PTPRJ: variants seen among roughly 807,000 people sequenced by gnomAD.
PTPRJ encodes protein tyrosine phosphatase receptor type J.
PTPRJ carries 129 observed loss-of-function variants against 141.3 expected under a neutral mutation model. The ratio of observed to expected loss-of-function variants is 0.91; its 90% CI spans 0.79 to 1.06. The LOEUF (loss-of-function observed/expected upper bound fraction) is 1.06, where lower values mean the gene tolerates loss of function less well. Ranked by LOEUF, PTPRJ falls within the 50% of genes least tolerant of loss-of-function variation. The pLI is 0.00. For missense variants in PTPRJ, 1,601 were observed against 1,679.7 expected (o/e 0.95, Z 0.82); for synonymous variants, 610 against 640.5 (o/e 0.95, Z 0.72).
Position 48,164,370 on chromosome 11 carries a change from T to G in PTPRJ, c.3720-10T>G. ...CCCACTGTAATAGGCTTATTTCTCT[T>G]TTCTCTCAGTGCTGGGGTCGGAAGG... On this transcript the variant is annotated splice_polypyrimidine_tract_variant and intron_variant, in intron 23 of 24. Coordinates refer to ENST00000418331, the MANE Select transcript of PTPRJ (RefSeq NM_002843.4). 1 of 1,612,970 alleles carries G rather than the reference T, an allele frequency of 6.2e-7. No homozygotes were observed. The highest frequency in any genetic ancestry group is 8.5e-7 in the Non-Finnish European group (1 of 1,179,606).
chr11:48,039,425 A>G (rs1463896638), intron 1 of PTPRJ, among the ~76,000 whole-genome samples: 2 of 151,702 alleles, frequency 1.3e-5, no homozygotes, highest in Non-Finnish European at 2.9e-5. Context: ...CTTGTTCTGC[A>G]GTCCATATAC....
chr11:48,164,871 C>T (rs1318370681), intron 24 of PTPRJ, among the ~76,000 whole-genome samples: 1 of 152,094 alleles, frequency 6.6e-6, no homozygotes, highest in African/African-American at 2.4e-5. Context: ...TGGCCCTTCC[C>T]CTCCATTTTT....
At chr11:48,081,546 C>A (rs1044308068) in intron 1 of PTPRJ, among the ~76,000 whole-genome samples, 1 of 152,122 alleles carries the variant, frequency 6.6e-6, no homozygotes, top group African/African-American at 2.4e-5. Flanking sequence ...ATAGTCACTT[C>A]CCCGGCTGGC....
Position 48,015,181 on chromosome 11 carries a change from C to T in PTPRJ, c.96+34173C>T, listed in dbSNP as rs190427844. On this transcript the variant is annotated intron_variant, in intron 1 of 24. Coordinates refer to ENST00000418331, the MANE Select transcript of PTPRJ (RefSeq NM_002843.4). ...GCGGTGGGGATGCTGCAGGCCTTAG[C>T]TGCTGTATCACTGTGTCCGTTTATG... Among the ~76,000 whole-genome samples, 5 of 152,086 alleles carry T rather than the reference C, an allele frequency of 3.3e-5. No individual in the cohort carries two copies. The East Asian group carries it at 9.7e-4, about 29-fold the overall frequency.
chr11:48,087,431 A>G (rs990385091), intron 1 of PTPRJ, among the ~76,000 whole-genome samples: 1 of 152,224 alleles, frequency 6.6e-6, no homozygotes, highest in Non-Finnish European at 1.5e-5. Context: ...TTTATTTAGC[A>G]TAGTACAAAG....
At chr11:48,129,655 C>A (rs1856923789) in intron 7 of PTPRJ, among the ~76,000 whole-genome samples, 1 of 152,086 alleles carries the variant, frequency 6.6e-6, no homozygotes, top group African/African-American at 2.4e-5. Context: ...GAACTGACCC[C>A]CTGGAGAGTC....
intron 21 of PTPRJ, among the ~76,000 whole-genome samples, chr11:48,156,984 C>A (rs1351467992): frequency 2.0e-5 from 3 of 151,746 alleles, no homozygotes; most frequent in African/African-American, 7.3e-5. Context: ...CTTCTGCTTC[C>A]ATCAAAGATA....
At position 48,167,525 on chromosome 11, in the gene PTPRJ, A is replaced by T. The variant is rs139911163; in HGVS notation, c.*163A>T. 987 of 780,992 alleles carry T rather than the reference A, an allele frequency of 1.3e-3. 7 individuals carry two copies. In the African/African-American group the frequency reaches 0.016, roughly 13 times the overall value. 48.4% of individuals were successfully genotyped at this position (780,992 alleles called of 1,614,324 possible). On this transcript the variant is annotated 3_prime_UTR_variant, in exon 25 of 25. Transcript: ENST00000418331. ...ATGAAGCTGCATATGATAGATGACA[A>T]ATTGGGGCTGTCGGGGGCTGTGGAT...
intron 1 of PTPRJ, among the ~76,000 whole-genome samples, chr11:47,993,080 G>A (rs747388603): frequency 4.6e-5 from 7 of 152,128 alleles, no homozygotes; most frequent in Non-Finnish European, 1.0e-4. Flanking sequence ...AACCATTCCT[G>A]CAGCAGGTAA....
At chr11:48,160,083 TAATTACC>T in intron 22 of PTPRJ, 34 bp downstream of exon 22, 1 of 1,606,842 alleles carries the variant, frequency 6.2e-7, no homozygotes, top group East Asian at 2.2e-5. Flanking sequence ...TGAGCTCATG[TAATTACC>T]ATATGTTAAT....
chr11:48,069,550 C>T (rs908314457), intron 1 of PTPRJ, among the ~76,000 whole-genome samples: 8 of 143,334 alleles, frequency 5.6e-5, no homozygotes, highest in African/African-American at 7.8e-5. Flanking sequence ...CCTGGGTTCA[C>T]GCCATTCTCC....
chr11:48,066,247 C>G (rs1376409651), intron 1 of PTPRJ, among the ~76,000 whole-genome samples: 1 of 152,230 alleles, frequency 6.6e-6, no homozygotes. Flanking sequence ...CCCACTCCTC[C>G]TCCAGTGCTC....
At chr11:48,086,390 T>C (rs561755214) in intron 1 of PTPRJ, among the ~76,000 whole-genome samples, 1 of 152,336 alleles carries the variant, frequency 6.6e-6, no homozygotes, top group South Asian at 2.1e-4. Context: ...CAGGCTGGTC[T>C]GGAACTCCTG....
At chr11:48,037,939 G>A (rs1245044204) in intron 1 of PTPRJ, among the ~76,000 whole-genome samples, 1 of 151,736 alleles carries the variant, frequency 6.6e-6, no homozygotes, top group East Asian at 1.9e-4. Context: ...GTGTGCCCTT[G>A]TCTCTGCTTG....
intron 1 of PTPRJ, among the ~76,000 whole-genome samples, chr11:48,087,382 C>G (rs1855744659): frequency 6.6e-6 from 1 of 152,144 alleles, no homozygotes; most frequent in Non-Finnish European, 1.5e-5. Flanking sequence ...AAAATATTTC[C>G]TTTTGTGAGA....
chr11:48,117,221 G>A (rs1040753847), intron 3 of PTPRJ, among the ~76,000 whole-genome samples: 1 of 152,132 alleles, frequency 6.6e-6, no homozygotes, highest in African/African-American at 2.4e-5. Context: ...TTCCAAGAAA[G>A]TTGACAGCAA....
chr11:47,992,602 A>G (rs1005061098), intron 1 of PTPRJ, among the ~76,000 whole-genome samples: 2 of 152,234 alleles, frequency 1.3e-5, no homozygotes, highest in Non-Finnish European at 2.9e-5. Context: ...TGTGAATATT[A>G]GTATTTATAT....
At chr11:48,069,445 A>AT (rs35405916) in intron 1 of PTPRJ, among the ~76,000 whole-genome samples, 1,978 of 121,278 alleles carry the variant, frequency 0.016, 135 homozygotes, top group African/African-American at 0.039. Context: ...TACATTGATA[A>AT]TTTTTTTTTT....
At chr11:48,058,892 T>C (rs994480068) in intron 1 of PTPRJ, among the ~76,000 whole-genome samples, 1 of 152,186 alleles carries the variant, frequency 6.6e-6, no homozygotes, top group Non-Finnish European at 1.5e-5. Context: ...CTTCATTTTG[T>C]GCCTCCTCTG....
Sources: allele counts gnomAD v4.1 joint callset (sites outside exome capture counted in the v4.1 genomes callset), GRCh38; gene constraint gnomAD v4.1.1; transcripts MANE v1.5; gene names NCBI Gene and HGNC (gene_info 2026-07-23, HGNC 2026-07-21).